Variants in CNTNAP5 observed in about 807,000 individuals in gnomAD.
CNTNAP5 encodes contactin associated protein family member 5.
A neutral mutation model predicts 150.2 loss-of-function variants in CNTNAP5; 72 were observed. That is an observed-to-expected ratio of 0.48 (90% confidence interval 0.40 to 0.58). CNTNAP5 has a LOEUF of 0.58. Ranked by LOEUF, CNTNAP5 falls within the 20% of genes least tolerant of loss-of-function variation. The probability of loss-of-function intolerance (pLI) is 0.00; values close to 1 mark genes in which losing one functional copy is unlikely to be tolerated. For missense variants in CNTNAP5, 1,636 were observed against 1,626.2 expected (o/e 1.01, Z -0.10); for synonymous variants, 672 against 619.8 (o/e 1.08, Z -1.25).
At chr2:124,599,149 C>A (rs113923902) in intron 11 of CNTNAP5, among the ~76,000 whole-genome samples, 3,202 of 152,226 alleles carry the variant, frequency 0.021, 40 homozygotes, top group Middle Eastern at 0.037. Flanking sequence ...TGTTCCTATT[C>A]GGCCATCTTG....
At position 124,915,217 on chromosome 2, in the gene CNTNAP5, CAT is replaced by C. The variant is rs112448547; in HGVS notation, c.*941_*942del. On this transcript the variant is annotated 3_prime_UTR_variant, in exon 24 of 24. Coordinates refer to ENST00000682447, the MANE Select transcript of CNTNAP5 (RefSeq NM_001367498.1). ...ATATACACACACACACACACACACA[CAT>C]ATATATATATACACACACGCACACA... 7.8e-3 allele frequency: 1,266 copies of C among 162,476 alleles called. 20 individuals are homozygous for C. Among genetic ancestry groups the C allele is most frequent in the African/African-American group, 0.025 (993 of 40,260 alleles). 10.1% of individuals were successfully genotyped at this position (162,476 alleles called of 1,614,324 possible). A position where few individuals can be genotyped will look rare whatever the true frequency, so the allele number is the denominator to read the frequency against.
At chr2:124,806,098 G>T (rs985124299) in intron 19 of CNTNAP5, among the ~76,000 whole-genome samples, 4 of 152,194 alleles carry the variant, frequency 2.6e-5, no homozygotes, top group African/African-American at 4.8e-5. Flanking sequence ...AGAAAAATAA[G>T]TATGGTGTAG....
At chr2:124,327,261 T>G (rs1008419481) in intron 3 of CNTNAP5, among the ~76,000 whole-genome samples, 7 of 152,068 alleles carry the variant, frequency 4.6e-5, no homozygotes, top group African/African-American at 1.7e-4. Flanking sequence ...ATTACAGGCA[T>G]GAGCCACTGC....
At chr2:124,880,574 A>G (rs980998165) in intron 21 of CNTNAP5, among the ~76,000 whole-genome samples, 2 of 152,126 alleles carry the variant, frequency 1.3e-5, no homozygotes, top group African/African-American at 4.8e-5. Flanking sequence ...AAAGATAAAC[A>G]TTATATAAAT....
chr2:124,525,747 G>A (rs558121192), intron 9 of CNTNAP5, among the ~76,000 whole-genome samples: 16 of 152,178 alleles, frequency 1.1e-4, no homozygotes, highest in South Asian at 2.1e-4. Context: ...TACACGTCCA[G>A]TCTCTGCAAA....
intron 10 of CNTNAP5, among the ~76,000 whole-genome samples, chr2:124,533,453 G>C (rs948881175): frequency 6.6e-6 from 1 of 152,182 alleles, no homozygotes; most frequent in Non-Finnish European, 1.5e-5. Context: ...CGTACTCTGA[G>C]AACAATGCTG....
chr2:124,867,899 A>T (rs1427379426), intron 20 of CNTNAP5, among the ~76,000 whole-genome samples: 2 of 152,162 alleles, frequency 1.3e-5, no homozygotes, highest in Non-Finnish European at 2.9e-5. Flanking sequence ...GTTAAAATTG[A>T]CTTATTAGGA....
chr2:124,876,041 T>C (rs1348372058), intron 21 of CNTNAP5, among the ~76,000 whole-genome samples: 1 of 152,154 alleles, frequency 6.6e-6, no homozygotes, highest in Non-Finnish European at 1.5e-5. Flanking sequence ...TTTGACTGCT[T>C]ACCGCTTGGA....
intron 12 of CNTNAP5, among the ~76,000 whole-genome samples, chr2:124,622,858 T>C (rs886942642): frequency 1.3e-5 from 2 of 152,208 alleles, no homozygotes; most frequent in African/African-American, 4.8e-5. Flanking sequence ...AAAGTATTGT[T>C]ACCACAAAGT....
intron 3 of CNTNAP5, among the ~76,000 whole-genome samples, chr2:124,335,930 G>A (rs887854377): frequency 8.5e-5 from 13 of 152,050 alleles, no homozygotes; most frequent in African/African-American, 3.1e-4. Flanking sequence ...ATTAATACAA[G>A]AAAGGACATA....
intron 12 of CNTNAP5, among the ~76,000 whole-genome samples, chr2:124,629,948 A>AC (rs2105007935): frequency 6.7e-6 from 1 of 150,234 alleles, no homozygotes; most frequent in South Asian, 2.1e-4. Context: ...AAAAAAAAAA[A>AC]AAAAAAACTG....
At chr2:124,750,552 TGCC>T (rs1680701807) in intron 14 of CNTNAP5, among the ~76,000 whole-genome samples, 1 of 152,214 alleles carries the variant, frequency 6.6e-6, no homozygotes, top group African/African-American at 2.4e-5. Context: ...GCCTACTGTG[TGCC>T]AGACGGATAG....
At chr2:124,670,951 T>G (rs912012157) in intron 13 of CNTNAP5, among the ~76,000 whole-genome samples, 12 of 152,176 alleles carry the variant, frequency 7.9e-5, no homozygotes, top group Non-Finnish European at 1.6e-4. Flanking sequence ...GACTTAAGCT[T>G]CCTAAGTCAG....
At chr2:124,316,944 G>A (rs957176479) in intron 3 of CNTNAP5, among the ~76,000 whole-genome samples, 3 of 151,588 alleles carry the variant, frequency 2.0e-5, no homozygotes, top group South Asian at 4.2e-4. Flanking sequence ...AAAACTGTAT[G>A]AGGTAGGTAC....
chr2:124,353,286 C>CAAAAAAAAAAAAAAA (rs565907115), intron 3 of CNTNAP5, among the ~76,000 whole-genome samples: 3 of 88,260 alleles, frequency 3.4e-5, no homozygotes, highest in Admixed American at 1.3e-4. Context: ...AAAAACAGAC[C>CAAAAAAAAAAAAAAA]AAAAAAAAAA....
At chr2:124,200,724 CT>C (rs1685709651) in intron 1 of CNTNAP5, among the ~76,000 whole-genome samples, 1 of 152,220 alleles carries the variant, frequency 6.6e-6, no homozygotes, top group Non-Finnish European at 1.5e-5. Flanking sequence ...GCTGCAGGCA[CT>C]TATGTCCTGC....
intron 7 of CNTNAP5, among the ~76,000 whole-genome samples, chr2:124,503,787 A>G (rs2104862642): frequency 6.6e-6 from 1 of 152,152 alleles, no homozygotes; most frequent in Non-Finnish European, 1.5e-5. Flanking sequence ...TAATTTCTTC[A>G]AGCCTTTGCT....
intron 12 of CNTNAP5, among the ~76,000 whole-genome samples, chr2:124,647,148 G>T (rs1214965215): frequency 1.9e-5 from 2 of 102,844 alleles, no homozygotes; most frequent in Admixed American, 9.4e-5. Context: ...ATGATTTAAA[G>T]GTCCTCATCT....
intron 19 of CNTNAP5, among the ~76,000 whole-genome samples, chr2:124,838,863 G>C (rs753639811): frequency 1.5e-4 from 23 of 151,946 alleles, no homozygotes; most frequent in African/African-American, 2.2e-4. Flanking sequence ...AATGAGATTA[G>C]TATTTATTAA....
Sources: gnomAD v4.1 joint callset for allele counts (sites outside exome capture counted in the v4.1 genomes callset) on GRCh38, gnomAD v4.1.1 for gene constraint, MANE v1.5 for transcripts, NCBI Gene and HGNC (gene_info 2026-07-23, HGNC 2026-07-21) for gene names.